The following SIPA1L1 variants were observed in gnomAD, a reference collection of about 807,000 sequenced individuals.
The protein encoded by SIPA1L1 is signal induced proliferation associated 1 like 1.
SIPA1L1 carries 26 observed loss-of-function variants against 162.7 expected under a neutral mutation model. The observed-to-expected ratio is 0.16, with a 90% CI of 0.12 to 0.22. The LOEUF is 0.22. Among genes scored for constraint, SIPA1L1 ranks in the 10% least tolerant of loss-of-function variants. The probability of loss-of-function intolerance (pLI) is 1.00; values close to 1 mark genes in which losing one functional copy is unlikely to be tolerated. For missense variants in SIPA1L1, 1,874 were observed against 2,241.0 expected, an observed-to-expected ratio of 0.84 and a Z score of 3.31; for synonymous variants, 829 against 837.4, an observed-to-expected ratio of 0.99 and a Z score of 0.17.
At chr14:71,451,612 G>GTAACA (rs2045826330) in intron 2 of SIPA1L1, among the ~76,000 whole-genome samples, 2 of 143,760 alleles carry the variant, frequency 1.4e-5, no homozygotes, top group Admixed American at 7.1e-5. Context: ...TCCAACCTGG[G>GTAACA]TAACAGCGAG....
chr14:71,577,895 C>T (rs1269469352), intron 4 of SIPA1L1, among the ~76,000 whole-genome samples: 1 of 151,856 alleles, frequency 6.6e-6, no homozygotes, highest in Non-Finnish European at 1.5e-5. Context: ...CCACGCCTGG[C>T]TAATTTTTTT....
At chr14:71,575,939 C>T (rs2032953912) in intron 4 of SIPA1L1, among the ~76,000 whole-genome samples, 1 of 152,188 alleles carries the variant, frequency 6.6e-6, no homozygotes, top group African/African-American at 2.4e-5. Flanking sequence ...TTTGGCATTT[C>T]TCCGTCAACA....
At chr14:71,481,065 T>G (rs185216937) in intron 2 of SIPA1L1, among the ~76,000 whole-genome samples, 1 of 152,386 alleles carries the variant, frequency 6.6e-6, no homozygotes, top group Admixed American at 6.5e-5. Flanking sequence ...CATCTTTTGT[T>G]ACTTTAAAAA....
intron 2 of SIPA1L1, among the ~76,000 whole-genome samples, chr14:71,344,383 A>C (rs989183778): frequency 6.6e-6 from 1 of 152,122 alleles, no homozygotes; most frequent in African/African-American, 2.4e-5. Flanking sequence ...TGTATATAGC[A>C]CCCTTCCCAC....
intron 16 of SIPA1L1, among the ~76,000 whole-genome samples, chr14:71,706,757 G>C (rs1315943410): frequency 6.6e-6 from 1 of 152,132 alleles, no homozygotes; most frequent in African/African-American, 2.4e-5. Context: ...CTGGTGGCTG[G>C]GTACGGTGGC....
intron 2 of SIPA1L1, among the ~76,000 whole-genome samples, chr14:71,325,433 A>G (rs1356739377): frequency 6.6e-6 from 1 of 152,162 alleles, no homozygotes; most frequent in Non-Finnish European, 1.5e-5. Flanking sequence ...TGGGTCTTTT[A>G]AACATGGATG....
At chr14:71,351,745 A>C (rs1432848100) in intron 2 of SIPA1L1, among the ~76,000 whole-genome samples, 1 of 152,202 alleles carries the variant, frequency 6.6e-6, no homozygotes, top group Non-Finnish European at 1.5e-5. Context: ...GACAACTGTA[A>C]GAATTTATGG....
At chr14:71,458,648 C>G (rs2046357421) in intron 2 of SIPA1L1, among the ~76,000 whole-genome samples, 1 of 152,154 alleles carries the variant, frequency 6.6e-6, no homozygotes, top group Admixed American at 6.5e-5. Context: ...ATTGTTTTTA[C>G]TAGATGTATT....
intron 2 of SIPA1L1, among the ~76,000 whole-genome samples, chr14:71,428,553 T>C (rs1346091430): frequency 6.6e-6 from 1 of 152,128 alleles, no homozygotes; most frequent in East Asian, 1.9e-4. Context: ...TGCTTTTGAA[T>C]GGCCTAGTCT....
intron 5 of SIPA1L1, among the ~76,000 whole-genome samples, chr14:71,616,025 A>G (rs1481433463): frequency 6.6e-6 from 1 of 151,862 alleles, no homozygotes; most frequent in Non-Finnish European, 1.5e-5. Flanking sequence ...CAACAAAACC[A>G]AAAAAAGGTC....
chr14:71,487,865 GA>G (rs2048898845), intron 2 of SIPA1L1, among the ~76,000 whole-genome samples: 1 of 152,182 alleles, frequency 6.6e-6, no homozygotes, highest in African/African-American at 2.4e-5. Context: ...TTTAACACTT[GA>G]ATATCTGCTA....
chr14:71,601,734 G>T (rs1185376482), intron 5 of SIPA1L1, among the ~76,000 whole-genome samples: 1 of 152,086 alleles, frequency 6.6e-6, no homozygotes, highest in East Asian at 1.9e-4. Context: ...TTTATTGGGA[G>T]ACTTTTTATT....
intron 3 of SIPA1L1, among the ~76,000 whole-genome samples, chr14:71,521,827 A>C (rs2052385270): frequency 6.6e-6 from 1 of 152,160 alleles, no homozygotes; most frequent in African/African-American, 2.4e-5. Context: ...ACATGGTTTT[A>C]ATTTCAGCCA....
intron 2 of SIPA1L1, among the ~76,000 whole-genome samples, chr14:71,453,504 A>C (rs2045967806): frequency 2.0e-5 from 3 of 152,060 alleles, no homozygotes. Context: ...AAAGAATCTC[A>C]CTCTAGGATA....
intron 5 of SIPA1L1, among the ~76,000 whole-genome samples, chr14:71,593,687 A>G (rs1163780953): frequency 6.6e-6 from 1 of 152,080 alleles, no homozygotes; most frequent in Non-Finnish European, 1.5e-5. Context: ...GACTTCTTCA[A>G]TTTTGCACCG....
intron 2 of SIPA1L1, among the ~76,000 whole-genome samples, chr14:71,455,483 T>C (rs948508280): frequency 6.6e-6 from 1 of 152,192 alleles, no homozygotes; most frequent in African/African-American, 2.4e-5. Context: ...GAAATTGGTG[T>C]GATTTAATTG....
At position 71,511,245 on chromosome 14, in the gene SIPA1L1, T is replaced by C. The variant is rs556035217; in HGVS notation, c.-464-1498T>C. 2.0e-5 allele frequency among the ~76,000 whole-genome samples: 3 copies of C among 152,260 alleles called. No individual in the cohort carries two copies. In the Middle Eastern group the frequency reaches 0.01, roughly 518 times the overall value. ...GGCACAGATCTAAAACTTCTAAAAC[T>C]TCTTGACTGATAGGGTATGACAGGA... On this transcript the variant is annotated intron_variant, in intron 2 of 23. Coordinates refer to ENST00000381232, the MANE Select transcript of SIPA1L1 (RefSeq NM_001386936.1).
chr14:71,382,256 G>A (rs1401057701), intron 2 of SIPA1L1, among the ~76,000 whole-genome samples: 2 of 152,334 alleles, frequency 1.3e-5, no homozygotes, highest in South Asian at 2.1e-4. Flanking sequence ...CTAAAGCTAA[G>A]AATTCTATGT....
intron 2 of SIPA1L1, among the ~76,000 whole-genome samples, chr14:71,399,728 T>A (rs757706802): frequency 6.6e-6 from 1 of 151,510 alleles, no homozygotes; most frequent in South Asian, 2.1e-4. Context: ...TATTATTATT[T>A]ATTTTATTTT....
Sources: gnomAD v4.1 joint callset for allele counts (sites outside exome capture counted in the v4.1 genomes callset) on GRCh38, gnomAD v4.1.1 for gene constraint, MANE v1.5 for transcripts, NCBI Gene and HGNC (gene_info 2026-07-23, HGNC 2026-07-21) for gene names.